Variants in DIP2C observed in about 807,000 individuals in gnomAD.
The protein encoded by DIP2C is disco-interacting protein 2 homolog C.
A neutral mutation model predicts 192.4 loss-of-function variants in DIP2C; 33 were observed. That is an observed-to-expected ratio of 0.17 (90% CI 0.13 to 0.23). The LOEUF is 0.23. Ranked by LOEUF, DIP2C falls within the 10% of genes least tolerant of loss-of-function variation. DIP2C has a pLI of 1.00. For missense variants in DIP2C, 1,537 were observed against 2,110.1 expected (o/e 0.73, Z 5.32); for synonymous variants, 979 against 864.1 (o/e 1.13, Z -2.33).
intron 1 of DIP2C, among the ~76,000 whole-genome samples, chr10:645,348 ATTTAGAAATCC>A (rs1415329769): frequency 6.6e-6 from 1 of 152,098 alleles, no homozygotes; most frequent in African/African-American, 2.4e-5. Context: ...GTGTAAGGTG[ATTTAGAAATCC>A]TTCTCCATGC....
chr10:500,379 T>A (rs1268870619), intron 1 of DIP2C, among the ~76,000 whole-genome samples: 1 of 152,278 alleles, frequency 6.6e-6, no homozygotes, highest in Non-Finnish European at 1.5e-5. Context: ...AAGTCCAGGA[T>A]ACATGAAGGG....
At chr10:480,293 T>G (rs566309392) in intron 2 of DIP2C, among the ~76,000 whole-genome samples, 5 of 146,240 alleles carry the variant, frequency 3.4e-5, no homozygotes, top group African/African-American at 1.3e-4. Context: ...GCTCACTGGA[T>G]AAGACTCATC....
chr10:295,434 G>A (rs1377427090), intron 32 of DIP2C, among the ~76,000 whole-genome samples: 7 of 151,508 alleles, frequency 4.6e-5, no homozygotes, highest in Admixed American at 3.3e-4. Context: ...GGTGGCGGGC[G>A]CCTGTAATCC....
At chr10:496,265 G>A (rs1183096534) in intron 1 of DIP2C, among the ~76,000 whole-genome samples, 2 of 141,890 alleles carry the variant, frequency 1.4e-5, no homozygotes, top group East Asian at 2.2e-4. Flanking sequence ...ATGCCCTCCC[G>A]TGTACTTAAA....
intron 17 of DIP2C, among the ~76,000 whole-genome samples, chr10:379,474 T>C (rs984319770): frequency 4.6e-5 from 7 of 152,212 alleles, no homozygotes; most frequent in African/African-American, 1.7e-4. Flanking sequence ...CTGTCAGACC[T>C]GGGGCTCTTG....
At chr10:413,070 G>C (rs1463514004) in intron 8 of DIP2C, among the ~76,000 whole-genome samples, 2 of 152,084 alleles carry the variant, frequency 1.3e-5, no homozygotes, top group Non-Finnish European at 2.9e-5. Context: ...ATGCAGCCTC[G>C]ACCTCCTCCT....
At chr10:361,889 C>T (rs1959565062) in intron 22 of DIP2C, among the ~76,000 whole-genome samples, 1 of 152,114 alleles carries the variant, frequency 6.6e-6, no homozygotes, top group East Asian at 1.9e-4. Flanking sequence ...ATACTGTTCC[C>T]TGCAACTCCA....
intron 2 of DIP2C, among the ~76,000 whole-genome samples, chr10:480,874 G>T (rs536258485): frequency 1.3e-5 from 2 of 152,186 alleles, no homozygotes; most frequent in Admixed American, 6.5e-5. Context: ...ACAGCAACGC[G>T]GTCTAGAAAG....
chr10:595,845 C>CT (rs1851670778), intron 1 of DIP2C, among the ~76,000 whole-genome samples: 1 of 152,122 alleles, frequency 6.6e-6, no homozygotes, highest in South Asian at 2.1e-4. Flanking sequence ...GCCGCACTTA[C>CT]TACTTGTGTC....
At chr10:282,359 A>G (rs1043344974) in intron 35 of DIP2C, among the ~76,000 whole-genome samples, 1 of 152,206 alleles carries the variant, frequency 6.6e-6, no homozygotes, top group African/African-American at 2.4e-5. Context: ...AAACTAGTCT[A>G]TAATTTCCCA....
rs112022633 is a variant in DIP2C, at chr10:672,550, C to T, written c.85+16944G>A. On this transcript the variant is annotated intron_variant, in intron 1 of 36. Transcript: ENST00000280886. ...TGCAATCCCTGTAATAACTGGAGGT[C>T]ACCATTAAACAGAAGGGCACTTCAC... 8.2e-3 allele frequency among the ~76,000 whole-genome samples: 1,253 copies of T among 152,328 alleles called. 20 individuals are homozygous for T. The highest frequency in any genetic ancestry group is 0.028 in the African/African-American group (1,166 of 41,576).
At chr10:607,323 A>G (rs1564260783) in intron 1 of DIP2C, among the ~76,000 whole-genome samples, 2 of 149,724 alleles carry the variant, frequency 1.3e-5, no homozygotes. Context: ...GCAGCTGATA[A>G]CCCACTGGGC....
intron 3 of DIP2C, among the ~76,000 whole-genome samples, chr10:470,784 C>T (rs967881299): frequency 3.9e-5 from 6 of 152,186 alleles, no homozygotes; most frequent in East Asian, 1.9e-4. Context: ...GGAGCGACCC[C>T]GTGTGATCGT....
chr10:530,738 A>AC (rs558204844), intron 1 of DIP2C, among the ~76,000 whole-genome samples: 6 of 151,344 alleles, frequency 4.0e-5, no homozygotes, highest in Admixed American at 6.6e-5. Flanking sequence ...TCAACATGGC[A>AC]CCCCCTGCTG....
At chr10:551,603 T>C (rs1439848249) in intron 1 of DIP2C, among the ~76,000 whole-genome samples, 1 of 152,204 alleles carries the variant, frequency 6.6e-6, no homozygotes, top group African/African-American at 2.4e-5. Context: ...CCATCTTCCC[T>C]GGGCTCAGAG....
intron 8 of DIP2C, among the ~76,000 whole-genome samples, chr10:413,178 T>C (rs1564677380): frequency 6.6e-6 from 1 of 152,114 alleles, no homozygotes. Context: ...AGACAGAAAA[T>C]AGCCTGACAA....
chr10:421,361 G>T (rs1256998465), intron 5 of DIP2C, among the ~76,000 whole-genome samples: 2 of 152,212 alleles, frequency 1.3e-5, no homozygotes, highest in Non-Finnish European at 2.9e-5. Context: ...TCCTTGGTAA[G>T]ATTCTGCCCA....
intron 3 of DIP2C, among the ~76,000 whole-genome samples, chr10:472,006 A>G (rs1970668337): frequency 6.6e-6 from 1 of 152,204 alleles, no homozygotes; most frequent in Non-Finnish European, 1.5e-5. Flanking sequence ...AACCCTGTGC[A>G]GACGGCATCA....
intron 11 of DIP2C, 48 bp from the exon 12 acceptor site, chr10:390,421 G>GTC: frequency 6.4e-7 from 1 of 1,562,906 alleles, no homozygotes; most frequent in Non-Finnish European, 8.8e-7. Flanking sequence ...CTGAAAGTCG[G>GTC]TCTGTAGAAT....
Sources: allele counts gnomAD v4.1 joint callset (sites outside exome capture counted in the v4.1 genomes callset), GRCh38; gene constraint gnomAD v4.1.1; transcripts MANE v1.5; gene names NCBI Gene and HGNC (gene_info 2026-07-23, HGNC 2026-07-21).